The following ERICH6B variants were observed in gnomAD, a reference collection of about 807,000 sequenced individuals.
ERICH6B encodes the protein glutamate-rich protein 6B.
ERICH6B carries 69 observed loss-of-function variants against 80.0 expected under a neutral mutation model. The ratio of observed to expected loss-of-function variants is 0.86; its 90% CI spans 0.71 to 1.05. The LOEUF (loss-of-function observed/expected upper bound fraction) is 1.05. Among genes scored for constraint, ERICH6B ranks in the 50% least tolerant of loss-of-function variants. ERICH6B has a pLI of 0.00. For missense variants in ERICH6B, 754 were observed against 796.1 expected, an observed-to-expected ratio of 0.95 and a Z score of 0.64; for synonymous variants, 283 against 291.9, an observed-to-expected ratio of 0.97 and a Z score of 0.31.
chr13:45,549,012 G>A (rs903386231), intron 13 of ERICH6B, among the ~76,000 whole-genome samples: 8 of 152,264 alleles, frequency 5.3e-5, no homozygotes, highest in Admixed American at 2.6e-4. Context: ...GGCTGGGCGC[G>A]GTGGCTCACA....
intron 3 of ERICH6B, among the ~76,000 whole-genome samples, chr13:45,592,985 G>A (rs1280167184): frequency 2.6e-5 from 4 of 152,136 alleles, no homozygotes; most frequent in Admixed American, 6.5e-5. Context: ...AGACTCCACC[G>A]TGTGCTGGGT....
At chr13:45,586,271 A>G (rs1875896341) in intron 5 of ERICH6B, among the ~76,000 whole-genome samples, 1 of 152,190 alleles carries the variant, frequency 6.6e-6, no homozygotes, top group Non-Finnish European at 1.5e-5. Context: ...CATTGGAGCT[A>G]CAAAATTTAG....
chr13:45,591,145 T>C (rs1036970364), intron 3 of ERICH6B, among the ~76,000 whole-genome samples: 14 of 152,234 alleles, frequency 9.2e-5, no homozygotes, highest in Non-Finnish European at 1.8e-4. Flanking sequence ...TGGGATAAAT[T>C]ATGCCAACAA....
At chr13:45,584,779 T>C (rs1875829037) in intron 5 of ERICH6B, among the ~76,000 whole-genome samples, 1 of 152,200 alleles carries the variant, frequency 6.6e-6, no homozygotes, top group African/African-American at 2.4e-5. Context: ...GTGTTTGCTG[T>C]GGTCACCTGT....
intron 11 of ERICH6B, among the ~76,000 whole-genome samples, chr13:45,558,242 A>C (rs1159647620): frequency 6.6e-6 from 1 of 152,106 alleles, no homozygotes; most frequent in African/African-American, 2.4e-5. Flanking sequence ...CAGCTTGGTC[A>C]CTGTTGGTGT....
At chr13:45,568,534 T>TCAGAA in intron 8 of ERICH6B, 83 bp from the exon 9 acceptor site, 1 of 1,310,946 alleles carries the variant, frequency 7.6e-7, no homozygotes, top group Non-Finnish European at 1.0e-6. Flanking sequence ...CTCTCAAAGG[T>TCAGAA]ACTGTGTGAC....
chr13:45,551,186 C>G (rs1014027783), intron 11 of ERICH6B, among the ~76,000 whole-genome samples: 2 of 151,950 alleles, frequency 1.3e-5, no homozygotes, highest in Non-Finnish European at 2.9e-5. Context: ...TTATTTATAC[C>G]TTCTGAATCA....
chr13:45,590,764 G>T (rs751832007), intron 3 of ERICH6B, 67 bp from the exon 4 acceptor site: 5 of 1,397,862 alleles, frequency 3.6e-6, no homozygotes, highest in East Asian at 5.0e-5. Context: ...TTAAAAATAC[G>T]TTGTTAAGTA....
intron 7 of ERICH6B, among the ~76,000 whole-genome samples, chr13:45,576,160 C>T (rs1315252651): frequency 2.0e-5 from 3 of 152,218 alleles, no homozygotes; most frequent in Admixed American, 2.0e-4. Context: ...TTGGGCTCCT[C>T]CTGGGATGGA....
chr13:45,613,946 G>A (rs1304431933), intron 1 of ERICH6B, among the ~76,000 whole-genome samples: 1 of 152,156 alleles, frequency 6.6e-6, no homozygotes, highest in Admixed American at 6.5e-5. Flanking sequence ...AGGTCTGGAA[G>A]GGCTGAGGAA....
intron 13 of ERICH6B, among the ~76,000 whole-genome samples, chr13:45,548,237 G>A (rs1269580323): frequency 6.6e-6 from 1 of 152,238 alleles, no homozygotes; most frequent in Non-Finnish European, 1.5e-5. Context: ...TTCAGCTCTT[G>A]AAATGGCTTG....
intron 5 of ERICH6B, among the ~76,000 whole-genome samples, chr13:45,585,708 T>C (rs865982365): frequency 2.6e-5 from 4 of 152,330 alleles, no homozygotes; most frequent in Middle Eastern, 3.4e-3. Flanking sequence ...AGACTTTTAC[T>C]AAACACTCAG....
chr13:45,582,984 C>T lies in ERICH6B; in HGVS notation c.857-2319G>A, dbSNP rs76138082. Among the ~76,000 whole-genome samples the T allele has an allele frequency of 9.6e-3, 1,460 of 152,316 alleles. 12 individuals carry two copies. The highest frequency in any genetic ancestry group is 0.015 in the Non-Finnish European group (994 of 68,024). ...GGTCACAGACTCATTTCACCAACTT[C>T]CCACAATTCCTCAAAAACCAGAAGC... On this transcript the variant is annotated intron_variant, in intron 5 of 14. Coordinates refer to ENST00000298738, the MANE Select transcript of ERICH6B (RefSeq NM_182542.3).
intron 4 of ERICH6B, among the ~76,000 whole-genome samples, chr13:45,590,038 T>A (rs1457018998): frequency 6.6e-6 from 1 of 152,106 alleles, no homozygotes; most frequent in Non-Finnish European, 1.5e-5. Flanking sequence ...GGTCCCGTGC[T>A]TTTTTTAGAT....
rs895155321 is a variant in ERICH6B at position 45,563,801 on chromosome 13, T to C, written c.1188-13A>G. On this transcript the variant is annotated splice_polypyrimidine_tract_variant and intron_variant, in intron 9 of 14. Coordinates refer to ENST00000298738, the MANE Select transcript of ERICH6B (RefSeq NM_182542.3). ...ATTTTTCTTCAGCCTAAAAGGAAAG[T>C]GGATCATCTTTAGAAGCCAAGACTA... The C allele has an allele frequency of 1.9e-6, 3 of 1,550,600 alleles. No individual in the cohort carries two copies. The African/African-American group carries it at 4.1e-5, about 21-fold the overall frequency.
Position 45,592,260 on chromosome 13 carries a change from T to G in ERICH6B, c.638-1563A>C, listed in dbSNP as rs554439564. Among the ~76,000 whole-genome samples the G allele has an allele frequency of 3.8e-4, 58 of 152,364 alleles. No individual in the cohort carries two copies. The South Asian group carries it at 4.6e-3, about 12-fold the overall frequency. On this transcript the variant is annotated intron_variant, in intron 3 of 14. Transcript: ENST00000298738. Reference sequence around the variant, plus strand: ...GGACAAGACACGTGCAGAAAATGATTCTGTTCTTTTGGGAGCACATTGGAG... The same window carrying G: ...GGACAAGACACGTGCAGAAAATGATGCTGTTCTTTTGGGAGCACATTGGAG...
chr13:45,554,003 G>A (rs895401262), intron 11 of ERICH6B, among the ~76,000 whole-genome samples: 14 of 152,030 alleles, frequency 9.2e-5, no homozygotes, highest in African/African-American at 3.1e-4. Flanking sequence ...CAATTTTCAG[G>A]TATGCAATGT....
chr13:45,606,545 ATATTT>A (rs1949866736), intron 2 of ERICH6B, among the ~76,000 whole-genome samples: 2 of 12,774 alleles, frequency 1.6e-4, no homozygotes, highest in Non-Finnish European at 3.9e-4. Flanking sequence ...ATATATATAT[ATATTT>A]TTTTTTTTTT....
rs527927009 is a variant in ERICH6B at position 45,567,626 on chromosome 13, A to T, written c.1187+689T>A. Among the ~76,000 whole-genome samples, 5 of 152,348 alleles carry T rather than the reference A, an allele frequency of 3.3e-5. No individual in the cohort carries two copies. In the South Asian group the frequency reaches 1.0e-3, roughly 32 times the overall value. ...ATGATTGTGAGGCCTCCTCAGTCACATGGAACTGTAAGTCCATTAAATATC... is the reference window on the plus strand; with the variant it reads ...ATGATTGTGAGGCCTCCTCAGTCACTTGGAACTGTAAGTCCATTAAATATC... On this transcript the variant is annotated intron_variant, in intron 9 of 14. Transcript: ENST00000298738.
Sources: gnomAD v4.1 joint callset for allele counts (sites outside exome capture counted in the v4.1 genomes callset) on GRCh38, gnomAD v4.1.1 for gene constraint, MANE v1.5 for transcripts, NCBI Gene and HGNC (gene_info 2026-07-23, HGNC 2026-07-21) for gene names.